The following LARGE1 variants were observed in gnomAD, a reference collection of about 807,000 sequenced individuals.
LARGE1 encodes the protein LARGE xylosyl- and glucuronyltransferase 1, also known as xylosyl- and glucuronyltransferase LARGE1.
In LARGE1, 43 loss-of-function variants were observed where a neutral mutation model predicts 87.6. The ratio of observed to expected loss-of-function variants is 0.49; its 90% CI spans 0.38 to 0.63. The LOEUF is 0.63. Ranked by LOEUF, LARGE1 falls within the 30% of genes least tolerant of loss-of-function variation. LARGE1 has a pLI of 0.00. For synonymous variants in LARGE1, 434 were observed against 394.6 expected (o/e 1.10, Z -1.18); for missense variants, 802 against 1,000.2 (o/e 0.80, Z 2.67).
chr22:33,729,186 T>C (rs996259931), intron 2 of LARGE1, among the ~76,000 whole-genome samples: 3 of 152,106 alleles, frequency 2.0e-5, no homozygotes, highest in Admixed American at 6.5e-5. Flanking sequence ...CACATGTATA[T>C]AGAACACCAA....
intron 7 of LARGE1, among the ~76,000 whole-genome samples, chr22:33,412,063 C>A (rs977709075): frequency 6.6e-6 from 1 of 152,126 alleles, no homozygotes; most frequent in Admixed American, 6.6e-5. Flanking sequence ...GCGGGCAGAT[C>A]ACTTGAGGTC....
At chr22:33,801,322 A>G (rs2086153863) in intron 1 of LARGE1, among the ~76,000 whole-genome samples, 1 of 151,686 alleles carries the variant, frequency 6.6e-6, no homozygotes, top group Non-Finnish European at 1.5e-5. Context: ...TGGTCATACC[A>G]TATTACATTC....
intron 1 of LARGE1, among the ~76,000 whole-genome samples, chr22:33,801,598 G>A (rs534133621): frequency 3.4e-4 from 51 of 152,174 alleles, no homozygotes; most frequent in African/African-American, 1.1e-3. Context: ...TTCAGGATAC[G>A]AGTCCTCTGT....
At chr22:33,348,280 ACCC>A (rs11327050) in intron 9 of LARGE1, among the ~76,000 whole-genome samples, 1 of 100,864 alleles carries the variant, frequency 9.9e-6, no homozygotes, top group African/African-American at 3.7e-5. Flanking sequence ...TCCCCCACCC[ACCC>A]CCCCCCAAAA....
intron 5 of LARGE1, among the ~76,000 whole-genome samples, chr22:33,572,544 G>A (rs1417260212): frequency 6.6e-6 from 1 of 152,166 alleles, no homozygotes; most frequent in Non-Finnish European, 1.5e-5. Flanking sequence ...AAATGAGGTA[G>A]GAGAGTCAAA....
chr22:33,100,011 T>C, the LARGE1 span, among the ~76,000 whole-genome samples: 4 of 152,268 alleles, frequency 2.6e-5, no homozygotes, highest in East Asian at 7.7e-4. Flanking sequence ...CTGTCTAAAA[T>C]GGTAGCCACT....
At chr22:33,359,175 A>G (rs778103050) in intron 9 of LARGE1, among the ~76,000 whole-genome samples, 1 of 152,092 alleles carries the variant, frequency 6.6e-6, no homozygotes, top group Non-Finnish European at 1.5e-5. Flanking sequence ...ATTATGTTAT[A>G]TATCATGTTT....
chr22:33,615,889 T>C (rs538017898), intron 4 of LARGE1, among the ~76,000 whole-genome samples: 17 of 152,196 alleles, frequency 1.1e-4, no homozygotes, highest in African/African-American at 4.1e-4. Flanking sequence ...AAAGAAGATA[T>C]ACAAATGGCC....
At chr22:33,285,911 G>A (rs1051418385) in intron 12 of LARGE1, among the ~76,000 whole-genome samples, 7 of 152,200 alleles carry the variant, frequency 4.6e-5, no homozygotes, top group Non-Finnish European at 8.8e-5. Context: ...ACCATCCGTG[G>A]TTAATGGATC....
At chr22:33,670,708 A>G (rs888925692) in intron 2 of LARGE1, among the ~76,000 whole-genome samples, 2 of 152,214 alleles carry the variant, frequency 1.3e-5, no homozygotes, top group Non-Finnish European at 2.9e-5. Context: ...ATAAAAAACA[A>G]TAACTGCATG....
intron 9 of LARGE1, among the ~76,000 whole-genome samples, chr22:33,358,852 G>C (rs1338221041): frequency 6.6e-6 from 1 of 151,986 alleles, no homozygotes; most frequent in African/African-American, 2.4e-5. Flanking sequence ...CAAAAAATTA[G>C]CCAGGTGTGG....
chr22:33,604,258 G>C (rs895143236), intron 5 of LARGE1, among the ~76,000 whole-genome samples, 177 bp downstream of exon 5: 2 of 152,176 alleles, frequency 1.3e-5, no homozygotes, highest in African/African-American at 4.8e-5. Context: ...GCACTCAAAG[G>C]GGTTACTTTA....
upstream of LARGE1, among the ~76,000 whole-genome samples, chr22:33,921,927 G>C (rs1307588943): frequency 6.6e-6 from 1 of 152,070 alleles, no homozygotes; most frequent in African/African-American, 2.4e-5. The surrounding 1 kb of genome is among the most constrained non-coding windows in gnomAD (Gnocchi z 4.1). Flanking sequence ...GGAGGCGAAA[G>C]CAGAGAGGCA....
intron 8 of LARGE1, among the ~76,000 whole-genome samples, chr22:33,382,745 C>T (rs1012496034): frequency 6.6e-6 from 1 of 152,132 alleles, no homozygotes; most frequent in Non-Finnish European, 1.5e-5. Context: ...ATAAACTATC[C>T]TTACTGGACA....
At chr22:33,691,641 A>T (rs989949468) in intron 2 of LARGE1, among the ~76,000 whole-genome samples, 59 of 152,184 alleles carry the variant, frequency 3.9e-4, no homozygotes, top group Admixed American at 3.4e-3. Flanking sequence ...AGCCCCATTA[A>T]TCTAAGATTC....
At chr22:33,187,777 A>G (rs1184599510) in intron 11 of LARGE1, among the ~76,000 whole-genome samples, 1 of 151,636 alleles carries the variant, frequency 6.6e-6, no homozygotes, top group East Asian at 1.9e-4. Flanking sequence ...AAAAAAAATT[A>G]GCCGGGCATG....
chr22:33,558,052 T>C (rs2062591388), intron 6 of LARGE1, among the ~76,000 whole-genome samples: 1 of 152,152 alleles, frequency 6.6e-6, no homozygotes, highest in African/African-American at 2.4e-5. Context: ...TAAAGCACTT[T>C]GAGAATTTCA....
chr22:33,121,841 C>T, the LARGE1 span, among the ~76,000 whole-genome samples: 10 of 152,168 alleles, frequency 6.6e-5, no homozygotes. Flanking sequence ...GAAGCAAAGT[C>T]ATGTCTTACA....
At chr22:33,227,878 G>A (rs963186656) in intron 11 of LARGE1, among the ~76,000 whole-genome samples, 1 of 152,194 alleles carries the variant, frequency 6.6e-6, no homozygotes, top group Non-Finnish European at 1.5e-5. Flanking sequence ...ATTCTTGCCT[G>A]TAGGTTTTCT....
Sources: gnomAD v4.1 joint callset for allele counts (sites outside exome capture counted in the v4.1 genomes callset) on GRCh38, gnomAD v4.1.1 for gene constraint, Gnocchi (gnomAD v3.1) non-coding constraint, MANE v1.5 for transcripts, NCBI Gene and HGNC (gene_info 2026-07-23, HGNC 2026-07-21) for gene names.